ARID1B: variants seen among roughly 807,000 people sequenced by gnomAD.
ARID1B encodes the protein AT-rich interactive domain-containing protein 1B.
ARID1B carries 30 observed loss-of-function variants against 212.3 expected under a neutral mutation model. The ratio of observed to expected loss-of-function variants is 0.14; its 90% CI spans 0.11 to 0.19. The LOEUF is 0.19. ARID1B is among the 10% of genes least tolerant of loss of function. The probability of loss-of-function intolerance (pLI) is 1.00; values close to 1 mark genes in which losing one functional copy is unlikely to be tolerated. For synonymous variants in ARID1B, 1,402 were observed against 1,301.7 expected, an observed-to-expected ratio of 1.08 and a Z score of -1.66; for missense variants, 2,891 against 3,204.0, an observed-to-expected ratio of 0.90 and a Z score of 2.36.
intron 11 of ARID1B, among the ~76,000 whole-genome samples, chr6:157,179,503 C>T (rs1210831891): frequency 6.6e-6 from 1 of 152,026 alleles, no homozygotes; most frequent in African/African-American, 2.4e-5. Flanking sequence ...AATATGTATA[C>T]ATATATATTT....
rs775919170 is a variant in ARID1B, at chr6:157,167,224, T to C, written c.3235+39T>C. On this transcript the variant is annotated intron_variant, in intron 9 of 19. Coordinates refer to ENST00000636930, the MANE Select transcript of ARID1B (RefSeq NM_001374828.1). The stretch of plus-strand genomic sequence containing the variant: ...CTCTGCGCTCCTGAGCCCCTCTCTC[T>C]CCCCTCTCCTCCTCTTAGGCTCCAC... The C allele has an allele frequency of 8.2e-6, 13 of 1,582,168 alleles. No individual in the cohort carries two copies. The South Asian group carries it at 1.5e-4, about 18-fold the overall frequency.
chr6:156,905,735 A>G (rs1789321338), intron 3 of ARID1B, among the ~76,000 whole-genome samples: 1 of 152,120 alleles, frequency 6.6e-6, no homozygotes, highest in Non-Finnish European at 1.5e-5. Flanking sequence ...ATGGGGTAGT[A>G]TATCCTCATT....
intron 1 of ARID1B, among the ~76,000 whole-genome samples, chr6:156,828,419 G>C (rs1782911027): frequency 6.6e-6 from 1 of 152,214 alleles, no homozygotes; most frequent in African/African-American, 2.4e-5. Context: ...GCTGCTGGGT[G>C]AATGCTGCCT....
At chr6:156,974,444 G>A (rs1777106976) in intron 4 of ARID1B, among the ~76,000 whole-genome samples, 1 of 152,182 alleles carries the variant, frequency 6.6e-6, no homozygotes, top group South Asian at 2.1e-4. Flanking sequence ...AGCCAATTGT[G>A]TAGAGGTAAA....
In ARID1B at chr6:156,778,796, G is replaced by T. The variant is rs1415542542; in HGVS notation, c.1116G>T (p.Gly372=). The part of the protein sequence containing the change: ...SMDPLQNSHE[G]YPNSQCNHYP... ...ACCCCCTGCAGAACTCCCACGAAGG[G>T]TACCCCAACAGCCAGTGCAACCATT... The change falls in exon 1 of 20, where the codon GGG becomes GGT. Residue 372 remains glycine (G), a synonymous_variant. Coordinates refer to ENST00000636930, the MANE Select transcript of ARID1B (RefSeq NM_001374828.1). 1 of 1,505,056 alleles carries T rather than the reference G, an allele frequency of 6.6e-7. No homozygotes were observed. The highest frequency in any genetic ancestry group is 2.8e-5 in the East Asian group (1 of 35,598). The allele number at this position is 1,505,056 out of a possible 1,614,324, so 93.2% of individuals were successfully genotyped here. A position where few individuals can be genotyped will look rare whatever the true frequency, so the allele number is the denominator to read the frequency against.
intron 4 of ARID1B, among the ~76,000 whole-genome samples, chr6:157,007,927 C>T (rs1268930288): frequency 6.6e-6 from 1 of 152,042 alleles, no homozygotes; most frequent in African/African-American, 2.4e-5. Context: ...CCGCCCACCT[C>T]GGCCTCCCAA....
intron 7 of ARID1B, among the ~76,000 whole-genome samples, chr6:157,135,290 T>C (rs1273592067): frequency 1.3e-5 from 2 of 152,208 alleles, no homozygotes; most frequent in African/African-American, 4.8e-5. Flanking sequence ...CCACTTCTAA[T>C]GTTCTACGAA....
chr6:156,979,355 T>C (rs527736290), intron 4 of ARID1B, among the ~76,000 whole-genome samples: 6 of 152,328 alleles, frequency 3.9e-5, no homozygotes, highest in Non-Finnish European at 7.4e-5. Context: ...CTGACTCAGC[T>C]TTAAACTCTT....
intron 4 of ARID1B, among the ~76,000 whole-genome samples, chr6:157,030,854 T>C (rs1308892405): frequency 1.3e-5 from 2 of 152,224 alleles, no homozygotes; most frequent in Non-Finnish European, 2.9e-5. Flanking sequence ...GACAAGGTTT[T>C]AGTTCATTTC....
intron 4 of ARID1B, among the ~76,000 whole-genome samples, chr6:156,956,730 T>C (rs968297171): frequency 1.3e-5 from 2 of 152,228 alleles, no homozygotes; most frequent in African/African-American, 4.8e-5. Flanking sequence ...CTTTGGGATA[T>C]TCTGGATCAG....
At chr6:156,946,031 T>C (rs1379080284) in intron 4 of ARID1B, among the ~76,000 whole-genome samples, 1 of 151,790 alleles carries the variant, frequency 6.6e-6, no homozygotes, top group Non-Finnish European at 1.5e-5. Context: ...GGTGAAAATA[T>C]TAGTTAATGG....
intron 4 of ARID1B, among the ~76,000 whole-genome samples, chr6:156,953,509 GA>G (rs1238480061): frequency 2.7e-4 from 41 of 152,242 alleles, no homozygotes; most frequent in Non-Finnish European, 4.9e-4. Context: ...TTTAAAAAAA[GA>G]AAAAAATCGG....
chr6:157,150,450 T>C (rs1477299776), intron 8 of ARID1B: 1 of 152,734 alleles, frequency 6.5e-6, no homozygotes. Context: ...GGGCTGTATA[T>C]CTTCTTGTTT....
At chr6:156,889,117 T>C (rs1000289021) in intron 2 of ARID1B, among the ~76,000 whole-genome samples, 1 of 152,242 alleles carries the variant, frequency 6.6e-6, no homozygotes, top group African/African-American at 2.4e-5. Flanking sequence ...CTCTGTTTTC[T>C]TCAAGAATAG....
intron 10 of ARID1B, 69 bp from the exon 11 acceptor site, chr6:157,174,778 C>A: frequency 1.6e-6 from 2 of 1,215,612 alleles, no homozygotes; most frequent in Non-Finnish European, 2.2e-6. Context: ...AGTGGATGTA[C>A]TTTTTGTTAT....
At chr6:156,779,558 C>G (rs1002160755) in intron 1 of ARID1B, 87 bp downstream of exon 1, 1 of 1,158,158 alleles carries the variant, frequency 8.6e-7, no homozygotes, top group African/African-American at 1.6e-5. Context: ...GCGTACTTTT[C>G]CCCGTCTTCC....
At chr6:157,139,465 C>T (rs1156336917) in intron 7 of ARID1B, among the ~76,000 whole-genome samples, 2 of 152,188 alleles carry the variant, frequency 1.3e-5, no homozygotes, top group East Asian at 1.9e-4. Flanking sequence ...GTCCCTCCAC[C>T]TGTGGTTAGC....
At chr6:157,155,583 T>A (rs539436893) in intron 8 of ARID1B, among the ~76,000 whole-genome samples, 1 of 152,316 alleles carries the variant, frequency 6.6e-6, no homozygotes, top group South Asian at 2.1e-4. Context: ...TCTGTAGACC[T>A]GCATTTTAAT....
intron 4 of ARID1B, among the ~76,000 whole-genome samples, chr6:156,980,303 T>G (rs1777524689): frequency 6.6e-6 from 1 of 151,890 alleles, no homozygotes; most frequent in South Asian, 2.1e-4. Context: ...GCCCACACAA[T>G]GAAACCCCAT....
Sources: allele counts gnomAD v4.1 joint callset (sites outside exome capture counted in the v4.1 genomes callset), GRCh38; gene constraint gnomAD v4.1.1; transcripts MANE v1.5; gene names NCBI Gene and HGNC (gene_info 2026-07-23, HGNC 2026-07-21).